RABGAP1L: variants seen among roughly 807,000 people sequenced by gnomAD.
RABGAP1L encodes RAB GTPase activating protein 1 like.
A neutral mutation model predicts 137.7 loss-of-function variants in RABGAP1L; 63 were observed. The observed-to-expected ratio is 0.46, with a 90% CI of 0.37 to 0.56. The LOEUF (loss-of-function observed/expected upper bound fraction) is 0.56. Ranked by LOEUF, RABGAP1L falls within the 20% of genes least tolerant of loss-of-function variation. RABGAP1L has a pLI of 0.00. For missense variants in RABGAP1L, 1,095 were observed against 1,244.0 expected (o/e 0.88, Z 1.80); for synonymous variants, 431 against 433.7 (o/e 0.99, Z 0.08).
chr1:174,678,015 T>C (rs1677767002), intron 14 of RABGAP1L, among the ~76,000 whole-genome samples: 1 of 152,034 alleles, frequency 6.6e-6, no homozygotes, highest in Admixed American at 6.6e-5. Context: ...TTACCAAGAC[T>C]AATCAAGGAA....
At chr1:174,411,340 C>A (rs1649906140) in intron 13 of RABGAP1L, among the ~76,000 whole-genome samples, 1 of 151,924 alleles carries the variant, frequency 6.6e-6, no homozygotes, top group Admixed American at 6.6e-5. Flanking sequence ...TCAGTTTTTA[C>A]CTGTTCAGTA....
chr1:174,456,822 A>G (rs1244093073), intron 13 of RABGAP1L, among the ~76,000 whole-genome samples: 1 of 152,152 alleles, frequency 6.6e-6, no homozygotes, highest in Non-Finnish European at 1.5e-5. Flanking sequence ...TAAATATGTA[A>G]AATTTCCATA....
intron 1 of RABGAP1L, among the ~76,000 whole-genome samples, chr1:174,181,088 C>T (rs991700507): frequency 6.6e-6 from 1 of 152,088 alleles, no homozygotes; most frequent in Non-Finnish European, 1.5e-5. Flanking sequence ...CTATTAGGTT[C>T]TTTTTTGCTA....
chr1:174,528,112 C>A (rs1664070322), intron 13 of RABGAP1L, among the ~76,000 whole-genome samples: 1 of 151,528 alleles, frequency 6.6e-6, no homozygotes, highest in South Asian at 2.1e-4. Flanking sequence ...GAGTCTATAT[C>A]TATTAAGTGA....
chr1:174,704,648 TG>T (rs1474594594), intron 17 of RABGAP1L, among the ~76,000 whole-genome samples: 2 of 152,242 alleles, frequency 1.3e-5, no homozygotes, highest in African/African-American at 4.8e-5. Context: ...TTCTCCGACT[TG>T]TTTTACTTAC....
At chr1:174,611,434 T>G (rs1671241165) in intron 13 of RABGAP1L, among the ~76,000 whole-genome samples, 1 of 151,470 alleles carries the variant, frequency 6.6e-6, no homozygotes, top group African/African-American at 2.4e-5. Context: ...TTGGTACCAC[T>G]ACCATGCTGT....
In RABGAP1L at chr1:174,976,146, AGAG is replaced by A. The variant is rs1376373141; in HGVS notation, c.2617_2619del (p.Glu873del). The A allele has an allele frequency of 2.6e-6, 4 of 1,550,900 alleles. No homozygotes were observed. Among genetic ancestry groups the A allele is most frequent in the East Asian group, 2.4e-5 (1 of 40,918 alleles). On this transcript the variant is annotated inframe_deletion, in exon 22 of 26. Transcript: ENST00000681986. ...CCAAACAGAGGCTGGTGGAGACTGA[AGAG>A]GAGAAGAGGAAGCAAGAGGAAGAGA...
intron 13 of RABGAP1L, among the ~76,000 whole-genome samples, chr1:174,487,692 T>C (rs548976847): frequency 6.6e-6 from 1 of 152,296 alleles, no homozygotes; most frequent in African/African-American, 2.4e-5. Context: ...GGTCTTCTTA[T>C]CCCTCTTTCC....
chr1:174,737,847 G>A (rs79691411), intron 17 of RABGAP1L, among the ~76,000 whole-genome samples: 7,222 of 152,242 alleles, frequency 0.047, 275 homozygotes, highest in Non-Finnish European at 0.075. Flanking sequence ...CATGGAAAGA[G>A]CGGGACCAAG....
intron 13 of RABGAP1L, among the ~76,000 whole-genome samples, chr1:174,397,861 C>T (rs763396698): frequency 1.3e-4 from 20 of 152,182 alleles, no homozygotes; most frequent in Non-Finnish European, 2.5e-4. Flanking sequence ...TAGCTTCAAA[C>T]TTGTAGATCC....
chr1:174,430,849 C>CG (rs1476719894), intron 13 of RABGAP1L, among the ~76,000 whole-genome samples: 2 of 152,128 alleles, frequency 1.3e-5, no homozygotes, highest in Non-Finnish European at 2.9e-5. Context: ...GCAGAGACAT[C>CG]TCATAAAGAC....
chr1:174,246,450 T>A (rs1672269388), intron 5 of RABGAP1L: 2 of 152,212 alleles, frequency 1.3e-5, no homozygotes, highest in African/African-American at 4.8e-5. Context: ...GATGTACAGT[T>A]AGCCCACTAT....
chr1:174,373,901 A>C (rs770250844), intron 12 of RABGAP1L, among the ~76,000 whole-genome samples: 1 of 152,142 alleles, frequency 6.6e-6, no homozygotes, highest in Non-Finnish European at 1.5e-5. Flanking sequence ...GCAGTGGGTA[A>C]ATGACTACAA....
intron 13 of RABGAP1L, among the ~76,000 whole-genome samples, chr1:174,501,738 T>A (rs917337105): frequency 4.9e-4 from 74 of 152,296 alleles, no homozygotes; most frequent in Non-Finnish European, 6.9e-4. Flanking sequence ...AACATTTTTT[T>A]AAAAATCCAT....
intron 19 of RABGAP1L, among the ~76,000 whole-genome samples, chr1:174,919,229 G>T (rs1661416663): frequency 6.6e-6 from 1 of 152,096 alleles, no homozygotes; most frequent in African/African-American, 2.4e-5. Flanking sequence ...TGTTGGTCAG[G>T]CTGGTCTCGA....
intron 7 of RABGAP1L, among the ~76,000 whole-genome samples, chr1:174,270,062 G>C (rs1674423974): frequency 6.6e-6 from 1 of 152,096 alleles, no homozygotes; most frequent in South Asian, 2.1e-4. Flanking sequence ...GACTAATACA[G>C]CTTGACAGAA....
intron 17 of RABGAP1L, among the ~76,000 whole-genome samples, chr1:174,717,415 C>CA (rs1407233458): frequency 6.6e-6 from 1 of 152,070 alleles, no homozygotes. Context: ...GTCTCAAAAA[C>CA]AAACAAATGT....
At chr1:174,225,721 C>T (rs1363570154) in intron 3 of RABGAP1L, among the ~76,000 whole-genome samples, 1 of 152,074 alleles carries the variant, frequency 6.6e-6, no homozygotes, top group Admixed American at 6.6e-5. Context: ...CTCTGGCTTC[C>T]TTGGGCCATT....
At chr1:174,964,154 C>G (rs1394877375) in intron 20 of RABGAP1L, among the ~76,000 whole-genome samples, 3 of 152,110 alleles carry the variant, frequency 2.0e-5, no homozygotes, top group Non-Finnish European at 2.9e-5. Flanking sequence ...TGATAGCTGT[C>G]AACTCTTTTA....
Sources: gnomAD v4.1 joint callset for allele counts (sites outside exome capture counted in the v4.1 genomes callset) on GRCh38, gnomAD v4.1.1 for gene constraint, MANE v1.5 for transcripts, NCBI Gene and HGNC (gene_info 2026-07-23, HGNC 2026-07-21) for gene names.